The following CNTLN variants were observed in gnomAD, a reference collection of about 807,000 sequenced individuals.
The protein encoded by CNTLN is centlein, centrosomal protein.
CNTLN carries 212 observed loss-of-function variants against 180.0 expected under a neutral mutation model. The ratio of observed to expected loss-of-function variants is 1.18; its 90% CI spans 1.05 to 1.32. CNTLN has a LOEUF of 1.32. CNTLN is among the 40% of genes most tolerant of loss of function. The pLI, the probability that CNTLN is intolerant of heterozygous loss-of-function variation, is 0.00. For missense variants in CNTLN, 2,095 were observed against 1,610.9 expected (o/e 1.30, Z -5.14); for synonymous variants, 722 against 563.1 (o/e 1.28, Z -3.99).
chr9:17,328,695 T>C (rs73422191), intron 8 of CNTLN, among the ~76,000 whole-genome samples: 1,815 of 152,262 alleles, frequency 0.012, 40 homozygotes, highest in African/African-American at 0.041. Context: ...ACTTGGTTAA[T>C]ATGTATGCAA....
At chr9:17,457,028 A>C (rs1007190238) in intron 18 of CNTLN, among the ~76,000 whole-genome samples, 5 of 152,162 alleles carry the variant, frequency 3.3e-5, no homozygotes, top group Admixed American at 6.5e-5. Context: ...ATTTGAACTA[A>C]ATCTCTAACA....
At chr9:17,515,658 G>A in the CNTLN span, among the ~76,000 whole-genome samples, 1 of 152,038 alleles carries the variant, frequency 6.6e-6, no homozygotes, top group Admixed American at 6.6e-5. Context: ...TCCCTTCAAT[G>A]TATCGGGAAA....
intron 23 of CNTLN, among the ~76,000 whole-genome samples, chr9:17,470,879 G>A (rs1041171446): frequency 2.9e-4 from 44 of 151,890 alleles, no homozygotes; most frequent in Non-Finnish European, 1.3e-4. Flanking sequence ...AGATGCTTTT[G>A]GTATATAAAT....
At chr9:17,184,898 A>G (rs1044407059) in intron 2 of CNTLN, among the ~76,000 whole-genome samples, 8 of 152,330 alleles carry the variant, frequency 5.3e-5, no homozygotes, top group Admixed American at 2.6e-4. Context: ...AAAGGATTGT[A>G]GGTTAGAGTG....
chr9:17,426,331 A>G lies in CNTLN; in HGVS notation c.3114+10142A>G, dbSNP rs77077362. Among the ~76,000 whole-genome samples the G allele has an allele frequency of 4.4e-4, 67 of 152,330 alleles. 1 individual carries two copies. Among genetic ancestry groups the G allele is most frequent in the African/African-American group, 1.5e-3 (64 of 41,566 alleles). ...GCTAAGGGATTAGAGCTACCTCCAC[A>G]TTGGTTTTAAAGAGAAAGAAAGTGT... On this transcript the variant is annotated intron_variant, in intron 18 of 25. Transcript: ENST00000380647.
At chr9:17,234,976 T>G (rs1376425582) in intron 3 of CNTLN, among the ~76,000 whole-genome samples, 1 of 152,114 alleles carries the variant, frequency 6.6e-6, no homozygotes, top group East Asian at 1.9e-4. Context: ...AGGGCTGGAT[T>G]ATAGATTAGA....
chr9:17,204,957 G>C (rs140623156), intron 2 of CNTLN, among the ~76,000 whole-genome samples: 6 of 152,256 alleles, frequency 3.9e-5, no homozygotes, highest in African/African-American at 1.4e-4. Context: ...TTCCGTCCGG[G>C]CCAAACCTCC....
chr9:17,371,209 A>G (rs1824288258), intron 13 of CNTLN, among the ~76,000 whole-genome samples: 1 of 152,094 alleles, frequency 6.6e-6, no homozygotes, highest in Non-Finnish European at 1.5e-5. Flanking sequence ...AATCAGAGCC[A>G]CTCTCTGTTG....
At chr9:17,472,049 C>G (rs1230631278) in intron 23 of CNTLN, among the ~76,000 whole-genome samples, 2 of 152,046 alleles carry the variant, frequency 1.3e-5, no homozygotes, top group Non-Finnish European at 2.9e-5. Context: ...AATGATCATT[C>G]ATGCATTATG....
At chr9:17,322,756 G>A (rs1337818057) in intron 8 of CNTLN, among the ~76,000 whole-genome samples, 6 of 151,882 alleles carry the variant, frequency 4.0e-5, no homozygotes, top group Non-Finnish European at 8.8e-5. Context: ...ATTTCTCATG[G>A]AGTAAAGAGT....
intron 12 of CNTLN, among the ~76,000 whole-genome samples, chr9:17,347,702 A>G (rs561836787): frequency 1.3e-5 from 2 of 151,982 alleles, no homozygotes; most frequent in South Asian, 2.1e-4. Flanking sequence ...AAGGAAAAGA[A>G]AAAGAAAATG....
intron 12 of CNTLN, among the ~76,000 whole-genome samples, chr9:17,353,405 AT>A (rs1180224615): frequency 7.4e-6 from 1 of 135,624 alleles, no homozygotes; most frequent in Non-Finnish European, 1.6e-5. Flanking sequence ...GTTTTGTATT[AT>A]TTTTGTTCTT....
At chr9:17,516,791 T>C in the CNTLN span, among the ~76,000 whole-genome samples, 15 of 152,094 alleles carry the variant, frequency 9.9e-5, no homozygotes, top group African/African-American at 3.6e-4. Context: ...GGTGCCATAT[T>C]TTGAGGTAGC....
At chr9:17,224,216 A>G (rs561112408) in intron 2 of CNTLN, among the ~76,000 whole-genome samples, 5 of 152,100 alleles carry the variant, frequency 3.3e-5, no homozygotes, top group African/African-American at 1.2e-4. Context: ...TTCATTATCT[A>G]TGTACTGAAA....
rs561675837 is a variant in CNTLN at position 17,293,913 on chromosome 9, A to G, written c.984-4277A>G. Among the ~76,000 whole-genome samples, 16 of 152,242 alleles carry G rather than the reference A, an allele frequency of 1.1e-4. No homozygotes were observed. In the South Asian group the frequency reaches 2.3e-3, roughly 22 times the overall value. On this transcript the variant is annotated intron_variant, in intron 6 of 25. Coordinates refer to ENST00000380647, the MANE Select transcript of CNTLN (RefSeq NM_017738.4). ...CTGTGGGTAGCACGGATCCGTGGAA[A>G]AAGCGTGGTTTCCCAGGCAGGGTAG...
intron 2 of CNTLN, chr9:17,166,702 A>G: frequency 7.5e-6 from 2 of 267,062 alleles, no homozygotes; most frequent in Non-Finnish European, 1.5e-5. Context: ...ATTCTGGGAG[A>G]TAAATTGTTT....
intron 5 of CNTLN, among the ~76,000 whole-genome samples, chr9:17,262,504 C>T (rs10962961): frequency 0.24 from 35,666 of 151,174 alleles, 5,498 homozygotes; most frequent in African/African-American, 0.37. Context: ...TGTTCTCACT[C>T]ATAAGTGGGA....
chr9:17,210,459 A>G (rs942563926), intron 2 of CNTLN, among the ~76,000 whole-genome samples: 2 of 152,162 alleles, frequency 1.3e-5, no homozygotes, highest in Admixed American at 6.5e-5. Flanking sequence ...AATCTAGTCT[A>G]TCATTGATGG....
intron 23 of CNTLN, among the ~76,000 whole-genome samples, chr9:17,472,757 A>T (rs562540794): frequency 6.6e-6 from 1 of 152,286 alleles, no homozygotes; most frequent in East Asian, 1.9e-4. Context: ...ACTAAGAAAC[A>T]CTACCCTTGG....
Sources: allele counts gnomAD v4.1 joint callset (sites outside exome capture counted in the v4.1 genomes callset), GRCh38; gene constraint gnomAD v4.1.1; transcripts MANE v1.5; gene names NCBI Gene and HGNC (gene_info 2026-07-23, HGNC 2026-07-21).